DEPDC5: variants seen among roughly 807,000 people sequenced by gnomAD.
The protein encoded by DEPDC5 is DEP domain containing 5, GATOR1 subcomplex subunit.
DEPDC5 carries 73 observed loss-of-function variants against 217.3 expected under a neutral mutation model. The observed-to-expected ratio is 0.34, with a 90% CI of 0.28 to 0.41. The LOEUF (loss-of-function observed/expected upper bound fraction) is 0.41, where lower values mean the gene tolerates loss of function less well. DEPDC5 is among the 10% of genes least tolerant of loss of function. The pLI is 1.00. For missense variants in DEPDC5, 1,675 were observed against 2,070.1 expected (o/e 0.81, Z 3.70); for synonymous variants, 733 against 756.7 (o/e 0.97, Z 0.51).
At chr22:31,814,879 G>C in intron 20 of DEPDC5, 113 bp from the exon 21 acceptor site, 1 of 1,124,404 alleles carries the variant, frequency 8.9e-7, no homozygotes, top group East Asian at 2.4e-5. Context: ...ATCACACTGG[G>C]GATTTTTGTT....
chr22:31,879,450 C>T, intron 37 of DEPDC5, 75 bp from the exon 38 acceptor site: 3 of 1,390,582 alleles, frequency 2.2e-6, no homozygotes, highest in Non-Finnish European at 3.0e-6. Context: ...TAAGGTTTAT[C>T]AAGTTGTAGC....
chr22:31,774,627 G>A (rs76901066), intron 7 of DEPDC5, among the ~76,000 whole-genome samples: 5,104 of 149,934 alleles, frequency 0.034, 108 homozygotes, highest in South Asian at 0.067. Flanking sequence ...GATTGCTTGA[G>A]TCTGGGAGTT....
intron 23 of DEPDC5, 78 bp downstream of exon 23, chr22:31,821,715 T>C: frequency 6.4e-7 from 1 of 1,558,490 alleles, no homozygotes; most frequent in Non-Finnish European, 8.7e-7. Flanking sequence ...GAACAGACTA[T>C]TGACAAAATG....
intron 21 of DEPDC5, chr22:31,817,533 G>A (rs561224738): frequency 7.5e-5 from 31 of 414,248 alleles, no homozygotes; most frequent in African/African-American, 4.3e-4. Flanking sequence ...CTGTTGCCCA[G>A]GCTGTAGTGC....
intron 24 of DEPDC5, among the ~76,000 whole-genome samples, chr22:31,825,534 T>C (rs542002333): frequency 2.1e-4 from 32 of 152,254 alleles, no homozygotes; most frequent in Non-Finnish European, 2.9e-5. Flanking sequence ...CCTTAATGCA[T>C]TGACAGCCAA....
chr22:31,873,789 CTTTTTTTTTTTTT>C (rs796650383), intron 35 of DEPDC5: 1 of 114,636 alleles, frequency 8.7e-6, no homozygotes, highest in South Asian at 2.8e-4. Context: ...ACAACTTCTT[CTTTTTTTTTTTTT>C]TTTTTTTTGA....
Position 31,810,556 on chromosome 22 carries a change from C to T in DEPDC5, c.1360C>T (p.Pro454Ser). The T allele has an allele frequency of 6.2e-7, 1 of 1,614,164 alleles. No individual in the cohort carries two copies. The highest frequency in any genetic ancestry group is 8.5e-7 in the Non-Finnish European group (1 of 1,180,040). Residue 454 changes from proline to serine, a missense_variant, in exon 20 of 43, where the codon CCC becomes TCC. Physicochemically the swap from Pro to Ser is moderately conservative, Grantham distance 74 (BLOSUM62 -1). Coordinates refer to ENST00000651528, the MANE Select transcript of DEPDC5 (RefSeq NM_001242896.3). ...TCCAAAAGAATCTGAGAACGCCCTTCCCATCCAAGTAGATTATGACGCCTA... is the reference window on the plus strand; with the variant it reads ...TCCAAAAGAATCTGAGAACGCCCTTTCCATCCAAGTAGATTATGACGCCTA... ...GSPKESENAL[P>S]IQVDYDAYDA... is the part of the protein sequence containing the mutation.
At chr22:31,798,241 C>T (rs2086476477) in intron 13 of DEPDC5, among the ~76,000 whole-genome samples, 1 of 151,814 alleles carries the variant, frequency 6.6e-6, no homozygotes, top group Admixed American at 6.6e-5. Flanking sequence ...TTTAAGAGTT[C>T]ATCTTTCAGC....
At chr22:31,777,244 A>C (rs969624104) in intron 7 of DEPDC5, among the ~76,000 whole-genome samples, 3 of 144,518 alleles carry the variant, frequency 2.1e-5, no homozygotes, top group African/African-American at 7.7e-5. Flanking sequence ...ATAGGCATGA[A>C]CCACTGCACC....
rs925733012 is a variant in DEPDC5 at position 31,814,826 on chromosome 22, G to A, written c.1446-166G>A. 9 of 638,754 alleles carry A rather than the reference G, an allele frequency of 1.4e-5. No homozygotes were observed. In the South Asian group the frequency reaches 1.7e-4, roughly 12 times the overall value. 39.6% of individuals were successfully genotyped at this position (638,754 alleles called of 1,614,324 possible). A position where few individuals can be genotyped will look rare whatever the true frequency, so the allele number is the denominator to read the frequency against. On this transcript the variant is annotated intron_variant, in intron 20 of 42. Coordinates refer to ENST00000651528, the MANE Select transcript of DEPDC5 (RefSeq NM_001242896.3). ...CCCCCTCTCTTATATAACATCTCAAGCTGTTAAGGGTGAAGTACCGCATAC... is the reference window on the plus strand; with the variant it reads ...CCCCCTCTCTTATATAACATCTCAAACTGTTAAGGGTGAAGTACCGCATAC...
chr22:31,855,725 G>A (rs947318481), intron 31 of DEPDC5, among the ~76,000 whole-genome samples: 1 of 151,992 alleles, frequency 6.6e-6, no homozygotes, highest in Non-Finnish European at 1.5e-5. Context: ...GGATGAAACC[G>A]GAATGGCTCT....
chr22:31,786,855 C>G (rs566467400), intron 10 of DEPDC5, among the ~76,000 whole-genome samples: 1 of 152,136 alleles, frequency 6.6e-6, no homozygotes, highest in South Asian at 2.1e-4. Context: ...AGTGATTCTC[C>G]CACCTGCCTC....
chr22:31,845,381 T>C, intron 30 of DEPDC5, 144 bp downstream of exon 30: 1 of 1,139,040 alleles, frequency 8.8e-7, no homozygotes, highest in Non-Finnish European at 1.3e-6. Flanking sequence ...CAGTGTTTTC[T>C]CCTCCACCGC....
chr22:31,768,951 G>C, intron 7 of DEPDC5, 88 bp downstream of exon 7: 1 of 1,514,680 alleles, frequency 6.6e-7, no homozygotes, highest in Non-Finnish European at 9.1e-7. Context: ...ATAATAAAAT[G>C]TGTAAAAGTA....
At chr22:31,815,805 A>C in intron 21 of DEPDC5, 1 of 1,238,524 alleles carries the variant, frequency 8.1e-7, no homozygotes, top group Non-Finnish European at 1.0e-6. Flanking sequence ...CTGAGATTAC[A>C]GGCATGAACC....
intron 35 of DEPDC5, 68 bp from the exon 36 acceptor site, chr22:31,874,205 C>G: frequency 6.5e-7 from 1 of 1,548,196 alleles, no homozygotes. Flanking sequence ...TCTTTTTCAT[C>G]TTTCCTTCCA....
rs556884408 is a variant in DEPDC5 at position 31,804,999 on chromosome 22, A to G, written c.1217+84A>G. 1.9e-5 allele frequency: 25 copies of G among 1,296,210 alleles called. No individual in the cohort carries two copies. In the African/African-American group the frequency reaches 3.7e-4, roughly 19 times the overall value. The allele number at this position is 1,296,210 out of a possible 1,614,324, so 80.3% of individuals were successfully genotyped here. A position where few individuals can be genotyped will look rare whatever the true frequency, so the allele number is the denominator to read the frequency against. On this transcript the variant is annotated intron_variant, in intron 17 of 42. Coordinates refer to ENST00000651528, the MANE Select transcript of DEPDC5 (RefSeq NM_001242896.3). ...TTTTCTTTAAATCTGTTAAGTTCTT[A>G]TTATGGCACTAAACCTTTTGTTAAG...
At chr22:31,865,617 C>T (rs1315949957) in intron 33 of DEPDC5, among the ~76,000 whole-genome samples, 1 of 152,180 alleles carries the variant, frequency 6.6e-6, no homozygotes, top group African/African-American at 2.4e-5. Flanking sequence ...ATTGAGATAG[C>T]AAATTCCAAG....
chr22:31,804,230 AGATTTCG>A lies in DEPDC5; in HGVS notation c.1143+13_1143+19del. ...TGCTGTCCCATTGTTCAAGGTAATT[AGATTTCG>A]GATTTGTTTACTAAAGGCCAGTTGG... On this transcript the variant is annotated splice_region_variant and intron_variant, in intron 16 of 42. Coordinates refer to ENST00000651528, the MANE Select transcript of DEPDC5 (RefSeq NM_001242896.3). 1 of 1,614,046 alleles carries A rather than the reference AGATTTCG, an allele frequency of 6.2e-7. No individual in the cohort carries two copies. Among genetic ancestry groups the A allele is most frequent in the Non-Finnish European group, 8.5e-7 (1 of 1,179,984 alleles).
Sources: gnomAD v4.1 joint callset for allele counts (sites outside exome capture counted in the v4.1 genomes callset) on GRCh38, gnomAD v4.1.1 for gene constraint, MANE v1.5 for transcripts, NCBI Gene and HGNC (gene_info 2026-07-23, HGNC 2026-07-21) for gene names.